The following CTIF variants were observed in gnomAD, a reference collection of about 807,000 sequenced individuals.
CTIF encodes the protein cap binding complex dependent translation initiation factor.
CTIF carries 21 observed loss-of-function variants against 66.0 expected under a neutral mutation model. The observed-to-expected ratio is 0.32, with a 90% CI of 0.23 to 0.46. The LOEUF (loss-of-function observed/expected upper bound fraction) is 0.46, where lower values mean the gene tolerates loss of function less well. Ranked by LOEUF, CTIF falls within the 20% of genes least tolerant of loss-of-function variation. The probability of loss-of-function intolerance (pLI) is 1.00; values close to 1 mark genes in which losing one functional copy is unlikely to be tolerated. For synonymous variants in CTIF, 345 were observed against 326.4 expected, an observed-to-expected ratio of 1.06 and a Z score of -0.62; for missense variants, 739 against 812.7, an observed-to-expected ratio of 0.91 and a Z score of 1.10.
chr18:48,648,478 CA>C (rs1187899818), intron 3 of CTIF, among the ~76,000 whole-genome samples: 2 of 151,312 alleles, frequency 1.3e-5, no homozygotes, highest in Non-Finnish European at 3.0e-5. Context: ...AACACACACA[CA>C]CACACACACG....
At chr18:48,859,301 T>C (rs2069403206) in intron 11 of CTIF, 43 bp from the exon 12 acceptor site, 2 of 1,576,172 alleles carry the variant, frequency 1.3e-6, no homozygotes, top group Non-Finnish European at 1.7e-6. Flanking sequence ...AGTGGGCCAC[T>C]GTGGGACCCG....
At chr18:48,781,049 G>T (rs527695029) in intron 9 of CTIF, among the ~76,000 whole-genome samples, 1 of 152,182 alleles carries the variant, frequency 6.6e-6, no homozygotes, top group East Asian at 1.9e-4. Flanking sequence ...CTGCCTTCAC[G>T]GAGCTTCTGG....
At chr18:48,580,226 G>A (rs913931672) in intron 1 of CTIF, among the ~76,000 whole-genome samples, 1 of 152,218 alleles carries the variant, frequency 6.6e-6, no homozygotes, top group Admixed American at 6.5e-5. Context: ...CTGTCGTCAC[G>A]GGTAGAGTGC....
chr18:48,626,000 C>CTTTTTTTTTTTTTTTTTTTTT (rs74174709), intron 2 of CTIF, among the ~76,000 whole-genome samples: 6 of 109,174 alleles, frequency 5.5e-5, no homozygotes, highest in African/African-American at 2.0e-4. Context: ...CTTTTTCTTT[C>CTTTTTTTTTTTTTTTTTTTTT]TTTTTTTTTT....
At chr18:48,576,786 C>T (rs58186687) in intron 1 of CTIF, among the ~76,000 whole-genome samples, 403 of 152,354 alleles carry the variant, frequency 2.6e-3, no homozygotes, top group African/African-American at 9.3e-3. Context: ...CTATTTACAC[C>T]GTAATTCCCT....
chr18:48,581,439 C>T (rs2089654608), intron 1 of CTIF, among the ~76,000 whole-genome samples: 1 of 151,344 alleles, frequency 6.6e-6, no homozygotes, highest in Non-Finnish European at 1.5e-5. Flanking sequence ...CTCTTTTTTT[C>T]CATGGCCCAT....
chr18:48,766,447 T>G (rs958823883), intron 9 of CTIF, among the ~76,000 whole-genome samples: 2 of 152,090 alleles, frequency 1.3e-5, no homozygotes, highest in Non-Finnish European at 2.9e-5. Context: ...AATATTGCAT[T>G]TCAGATACTG....
chr18:48,772,812 G>A (rs991248208), intron 9 of CTIF, among the ~76,000 whole-genome samples: 1 of 152,160 alleles, frequency 6.6e-6, no homozygotes, highest in African/African-American at 2.4e-5. Flanking sequence ...ACAAATATCT[G>A]TTTGAGTCCC....
chr18:48,858,242 A>G (rs1213383885), intron 11 of CTIF, among the ~76,000 whole-genome samples: 1 of 152,258 alleles, frequency 6.6e-6, no homozygotes, highest in Non-Finnish European at 1.5e-5. Flanking sequence ...GGCAGCTGTC[A>G]TAAGCATACT....
intron 6 of CTIF, among the ~76,000 whole-genome samples, chr18:48,682,085 C>CT (rs953573799): frequency 6.6e-6 from 1 of 152,178 alleles, no homozygotes; most frequent in African/African-American, 2.4e-5. Flanking sequence ...CGTGCCCAGC[C>CT]CCACACCTGT....
chr18:48,740,174 G>T (rs1326014136), intron 7 of CTIF, among the ~76,000 whole-genome samples: 1 of 152,212 alleles, frequency 6.6e-6, no homozygotes, highest in Non-Finnish European at 1.5e-5. Flanking sequence ...ATAGAGTCCA[G>T]GCTCGGGCAA....
intron 1 of CTIF, among the ~76,000 whole-genome samples, chr18:48,581,090 C>T (rs2089645997): frequency 6.6e-6 from 1 of 152,246 alleles, no homozygotes. Flanking sequence ...AGCGTCATTC[C>T]AGCATCAGCT....
chr18:48,553,806 C>T (rs2088951119), intron 1 of CTIF, among the ~76,000 whole-genome samples: 1 of 149,866 alleles, frequency 6.7e-6, no homozygotes, highest in African/African-American at 2.4e-5. Context: ...CAGGTGCCCG[C>T]CACCATGCCC....
At chr18:48,585,935 G>A (rs1360973749) in intron 1 of CTIF, among the ~76,000 whole-genome samples, 1 of 152,166 alleles carries the variant, frequency 6.6e-6, no homozygotes, top group East Asian at 1.9e-4. Context: ...TTATAGTTGA[G>A]TTTTAAAAAA....
At chr18:48,822,636 C>G (rs113775185) in intron 10 of CTIF, among the ~76,000 whole-genome samples, 1 of 151,724 alleles carries the variant, frequency 6.6e-6, no homozygotes, top group African/African-American at 2.4e-5. Flanking sequence ...AGTGCTATAT[C>G]TCTTCAAAAT....
At chr18:48,771,825 G>A (rs554671189) in intron 9 of CTIF, among the ~76,000 whole-genome samples, 3 of 152,238 alleles carry the variant, frequency 2.0e-5, no homozygotes, top group Non-Finnish European at 2.9e-5. Flanking sequence ...CCCAGCCGCC[G>A]CGGGGAATCT....
At chr18:48,846,209 A>G (rs951131239) in intron 10 of CTIF, among the ~76,000 whole-genome samples, 1 of 152,162 alleles carries the variant, frequency 6.6e-6, no homozygotes, top group African/African-American at 2.4e-5. Flanking sequence ...TGAAATACTT[A>G]TTCATCATTG....
intron 9 of CTIF, among the ~76,000 whole-genome samples, chr18:48,799,290 G>C (rs1254839796): frequency 6.6e-6 from 1 of 152,212 alleles, no homozygotes; most frequent in Non-Finnish European, 1.5e-5. Context: ...GGCTTGATGG[G>C]ACAAGTAGAA....
chr18:48,611,534 TGC>T, intron 1 of CTIF, among the ~76,000 whole-genome samples: 1 of 152,350 alleles, frequency 6.6e-6, no homozygotes, highest in East Asian at 1.9e-4. Context: ...AAAGAAGACG[TGC>T]AAGATTTTCT....
Sources: allele counts gnomAD v4.1 joint callset (sites outside exome capture counted in the v4.1 genomes callset), GRCh38; gene constraint gnomAD v4.1.1; transcripts MANE v1.5; gene names NCBI Gene and HGNC (gene_info 2026-07-23, HGNC 2026-07-21).